JAM3: variants seen among roughly 807,000 people sequenced by gnomAD.
JAM3 encodes junctional adhesion molecule C.
JAM3 carries 31 observed loss-of-function variants against 39.4 expected under a neutral mutation model. The observed-to-expected ratio is 0.79, with a 90% confidence interval of 0.59 to 1.06. The LOEUF is 1.06. Ranked by LOEUF, JAM3 falls within the 50% of genes least tolerant of loss-of-function variation. The probability of loss-of-function intolerance (pLI) is 0.00; values close to 1 mark genes in which losing one functional copy is unlikely to be tolerated. For missense variants in JAM3, 455 were observed against 391.4 expected, an observed-to-expected ratio of 1.16 and a Z score of -1.37; for synonymous variants, 182 against 148.7, an observed-to-expected ratio of 1.22 and a Z score of -1.63.
At chr11:134,087,845 T>C (rs556761162) in intron 1 of JAM3, among the ~76,000 whole-genome samples, 1 of 152,216 alleles carries the variant, frequency 6.6e-6, no homozygotes, top group Non-Finnish European at 1.5e-5. Flanking sequence ...TGTAAACCAG[T>C]GTTTATCAAC....
At chr11:134,140,301 G>T (rs921277869) in intron 2 of JAM3, among the ~76,000 whole-genome samples, 1 of 152,222 alleles carries the variant, frequency 6.6e-6, no homozygotes, top group Admixed American at 6.5e-5. Context: ...TTTGTACGGG[G>T]TTTTGCCATG....
intron 7 of JAM3, 40 bp downstream of exon 7, chr11:134,148,716 G>C: frequency 6.2e-7 from 1 of 1,614,126 alleles, no homozygotes; most frequent in East Asian, 2.2e-5. Context: ...GTTCAAGCTG[G>C]CAATAATATA....
At position 134,131,950 on chromosome 11, in the gene JAM3, G is replaced by T. The variant is rs547225013; in HGVS notation, c.77-7901G>T. On this transcript the variant is annotated intron_variant, in intron 1 of 8. Transcript: ENST00000299106. The stretch of plus-strand genomic sequence containing the variant: ...TGAACAGAGTCTAAGCGACTCATGG[G>T]ACTAATAAGTGGACCATCATATGCA... 2.0e-5 allele frequency among the ~76,000 whole-genome samples: 3 copies of T among 152,288 alleles called. No individual in the cohort carries two copies. The South Asian group carries it at 6.2e-4, about 32-fold the overall frequency.
chr11:134,074,461 A>G (rs546826928), intron 1 of JAM3, among the ~76,000 whole-genome samples: 64 of 152,312 alleles, frequency 4.2e-4, no homozygotes, highest in Non-Finnish European at 2.8e-4. Flanking sequence ...GCTTCTTAAT[A>G]TCAGCCACAT....
chr11:134,118,199 C>T (rs1218777913), intron 1 of JAM3, among the ~76,000 whole-genome samples: 1 of 152,132 alleles, frequency 6.6e-6, no homozygotes. Context: ...ATTTGTCATG[C>T]CTCAGTACCT....
chr11:134,086,364 T>C (rs1259073732), intron 1 of JAM3, among the ~76,000 whole-genome samples: 1 of 152,118 alleles, frequency 6.6e-6, no homozygotes, highest in Non-Finnish European at 1.5e-5. Flanking sequence ...TTTTCCTATA[T>C]TGGAAAAATA....
At chr11:134,073,925 G>A (rs919544122) in intron 1 of JAM3, among the ~76,000 whole-genome samples, 12 of 152,092 alleles carry the variant, frequency 7.9e-5, no homozygotes, top group Non-Finnish European at 1.3e-4. Context: ...AGGAACTTCT[G>A]GAAAAGTGTC....
At chr11:134,114,912 A>T (rs550841512) in intron 1 of JAM3, among the ~76,000 whole-genome samples, 2 of 152,274 alleles carry the variant, frequency 1.3e-5, no homozygotes, top group East Asian at 3.9e-4. Flanking sequence ...TTTTCTGTCC[A>T]CTTGTTCTGC....
intron 1 of JAM3, among the ~76,000 whole-genome samples, chr11:134,138,107 C>T (rs1327938243): frequency 7.6e-6 from 1 of 130,826 alleles, no homozygotes; most frequent in Non-Finnish European, 1.6e-5. Context: ...GGTGTCTCGT[C>T]TAAGTCATGG....
intron 3 of JAM3, among the ~76,000 whole-genome samples, chr11:134,141,955 G>A (rs1021581735): frequency 6.6e-6 from 1 of 151,830 alleles, no homozygotes; most frequent in African/African-American, 2.4e-5. Flanking sequence ...TCTCAGTGTC[G>A]CCGGGAGCCT....
chr11:134,144,960 C>T lies in JAM3; in HGVS notation c.578C>T (p.Ser193Phe), dbSNP rs754334717. The T allele has an allele frequency of 6.2e-7, 1 of 1,614,140 alleles. No individual in the cohort carries two copies. ...AGAGCCAATCCCAGATTTCGCAATT[C>T]TTCTTTCCACTTAAACTCTGAAACA... ...DSRANPRFRN[S>F]SFHLNSETGT... Residue 193 changes from serine (S) to phenylalanine (F), a missense_variant, in exon 5 of 9, where the codon TCT (serine) becomes TTT (phenylalanine). Ser to Phe is a radical substitution (Grantham distance 155, BLOSUM62 -2). Transcript: ENST00000299106.
chr11:134,120,512 CTAAGACAACCAT>C (rs1942511257), intron 1 of JAM3, among the ~76,000 whole-genome samples: 1 of 152,204 alleles, frequency 6.6e-6, no homozygotes, highest in Non-Finnish European at 1.5e-5. Context: ...TCGTGGAAAG[CTAAGACAACCAT>C]TGATTTTTCT....
chr11:134,107,032 C>G (rs1463854616), intron 1 of JAM3, among the ~76,000 whole-genome samples: 3 of 152,120 alleles, frequency 2.0e-5, no homozygotes, highest in African/African-American at 7.2e-5. Context: ...CACATGCACA[C>G]GTATGTGTAT....
intron 1 of JAM3, among the ~76,000 whole-genome samples, chr11:134,081,855 G>C (rs1051398581): frequency 1.3e-5 from 2 of 152,236 alleles, no homozygotes; most frequent in Non-Finnish European, 2.9e-5. Flanking sequence ...CTGAACACCA[G>C]CCCGTGAGAG....
intron 1 of JAM3, among the ~76,000 whole-genome samples, chr11:134,111,457 G>T (rs1187034299): frequency 6.6e-6 from 1 of 151,980 alleles, no homozygotes; most frequent in Non-Finnish European, 1.5e-5. Flanking sequence ...CATTCATTTT[G>T]TGCCATTATG....
intron 1 of JAM3, among the ~76,000 whole-genome samples, chr11:134,085,841 T>G (rs1941739365): frequency 6.6e-6 from 1 of 152,200 alleles, no homozygotes; most frequent in African/African-American, 2.4e-5. Flanking sequence ...TTCTATTCTT[T>G]AGTTGTGGGT....
chr11:134,079,867 TC>T (rs2120588378), intron 1 of JAM3, among the ~76,000 whole-genome samples: 1 of 152,358 alleles, frequency 6.6e-6, no homozygotes, highest in East Asian at 1.9e-4. Flanking sequence ...AGAAATATCT[TC>T]CTCTTCTGAA....
At chr11:134,131,280 T>A (rs151271949) in intron 1 of JAM3, among the ~76,000 whole-genome samples, 222 of 152,150 alleles carry the variant, frequency 1.5e-3, no homozygotes, top group African/African-American at 5.2e-3. Flanking sequence ...ATTTCAGCTT[T>A]TGGCACTTAA....
At chr11:134,129,175 A>C (rs1421102545) in intron 1 of JAM3, among the ~76,000 whole-genome samples, 1 of 148,638 alleles carries the variant, frequency 6.7e-6, no homozygotes, top group African/African-American at 2.5e-5. Context: ...GTTGGAGTGC[A>C]GTGGCGTGAT....
Sources: allele counts gnomAD v4.1 joint callset (sites outside exome capture counted in the v4.1 genomes callset), GRCh38; gene constraint gnomAD v4.1.1; transcripts MANE v1.5; gene names NCBI Gene and HGNC (gene_info 2026-07-23, HGNC 2026-07-21).